The following XYLT1 variants were observed in gnomAD, a reference collection of about 807,000 sequenced individuals.
XYLT1 encodes the protein xylosyltransferase 1, also known as beta-D-xylosyltransferase 1.
XYLT1 carries 36 observed loss-of-function variants against 91.3 expected under a neutral mutation model. The ratio of observed to expected loss-of-function variants is 0.39; its 90% CI spans 0.30 to 0.52. XYLT1 has a LOEUF of 0.52. Among genes scored for constraint, XYLT1 ranks in the 20% least tolerant of loss-of-function variants. The pLI, the probability that XYLT1 is intolerant of heterozygous loss-of-function variation, is 0.68. For synonymous variants in XYLT1, 588 were observed against 532.0 expected, an observed-to-expected ratio of 1.11 and a Z score of -1.45; for missense variants, 1,242 against 1,284.5, an observed-to-expected ratio of 0.97 and a Z score of 0.51.
At chr16:17,222,117 G>A (rs529299115) in intron 3 of XYLT1, among the ~76,000 whole-genome samples, 1 of 152,330 alleles carries the variant, frequency 6.6e-6, no homozygotes, top group East Asian at 1.9e-4. Flanking sequence ...TCCTCTGAGG[G>A]AGACTGAATC....
At chr16:17,123,891 C>T (rs1697044731) in intron 10 of XYLT1, among the ~76,000 whole-genome samples, 1 of 152,028 alleles carries the variant, frequency 6.6e-6, no homozygotes, top group Admixed American at 6.5e-5. Context: ...TATAATGTCC[C>T]TCTTTGTCTT....
chr16:17,363,504 C>G (rs1222113787), intron 1 of XYLT1, among the ~76,000 whole-genome samples: 1 of 152,170 alleles, frequency 6.6e-6, no homozygotes, highest in Non-Finnish European at 1.5e-5. Context: ...AGCCTTTTCT[C>G]TATGCATCCC....
chr16:17,314,719 T>G (rs552167720), intron 2 of XYLT1, among the ~76,000 whole-genome samples: 1 of 152,144 alleles, frequency 6.6e-6, no homozygotes, highest in African/African-American at 2.4e-5. Flanking sequence ...GAGGAGAAAC[T>G]TGACAAACCA....
chr16:17,184,996 C>T (rs973391726), intron 5 of XYLT1, among the ~76,000 whole-genome samples: 6 of 152,216 alleles, frequency 3.9e-5, no homozygotes, highest in African/African-American at 1.2e-4. Flanking sequence ...CCACATCCTT[C>T]CCAGAAGGTC....
chr16:17,262,950 A>T (rs1352070113), intron 2 of XYLT1, among the ~76,000 whole-genome samples: 1 of 152,214 alleles, frequency 6.6e-6, no homozygotes, highest in Non-Finnish European at 1.5e-5. Flanking sequence ...TCCAACAGAC[A>T]GAAACATCTA....
chr16:17,433,862 T>A (rs1442045867), intron 1 of XYLT1, among the ~76,000 whole-genome samples: 2 of 152,096 alleles, frequency 1.3e-5, no homozygotes, highest in African/African-American at 4.8e-5. Flanking sequence ...TACAGTAAAA[T>A]CCTTAACTCT....
chr16:17,235,647 T>C (rs2033236328), intron 3 of XYLT1, among the ~76,000 whole-genome samples: 1 of 152,182 alleles, frequency 6.6e-6, no homozygotes, highest in Non-Finnish European at 1.5e-5. Flanking sequence ...GACAAATGCT[T>C]TCTTTGCAGT....
At chr16:17,338,143 T>A in intron 2 of XYLT1, 1 of 455,704 alleles carries the variant, frequency 2.2e-6, no homozygotes, top group Non-Finnish European at 4.4e-6. Flanking sequence ...AGTTCAGGCC[T>A]TTATCATAAC....
intron 3 of XYLT1, among the ~76,000 whole-genome samples, chr16:17,202,258 A>C (rs1371074352): frequency 6.6e-6 from 1 of 152,196 alleles, no homozygotes; most frequent in African/African-American, 2.4e-5. Context: ...GGGAGAACTG[A>C]GATGGAGACT....
At chr16:17,262,170 C>A (rs1041308516) in intron 2 of XYLT1, among the ~76,000 whole-genome samples, 1 of 152,122 alleles carries the variant, frequency 6.6e-6, no homozygotes, top group Admixed American at 6.5e-5. Flanking sequence ...TTTTATAGAA[C>A]GAGGAGCCAA....
intron 1 of XYLT1, among the ~76,000 whole-genome samples, chr16:17,385,512 T>A (rs190745895): frequency 6.6e-6 from 1 of 152,022 alleles, no homozygotes; most frequent in East Asian, 2.0e-4. Context: ...CCTGAAAATT[T>A]GCAAATGCAT....
intron 2 of XYLT1, among the ~76,000 whole-genome samples, chr16:17,344,854 C>T (rs932194935): frequency 2.0e-5 from 3 of 151,976 alleles, no homozygotes; most frequent in African/African-American, 7.3e-5. Context: ...GCATGCGCCA[C>T]CACGCTTGGC....
chr16:17,131,465 T>A (rs1477972533), intron 9 of XYLT1, among the ~76,000 whole-genome samples: 1 of 152,218 alleles, frequency 6.6e-6, no homozygotes, highest in Non-Finnish European at 1.5e-5. Flanking sequence ...TCCCACGGAA[T>A]GTACTGGGGT....
intron 2 of XYLT1, among the ~76,000 whole-genome samples, chr16:17,273,535 C>T (rs1290741770): frequency 1.3e-5 from 2 of 152,138 alleles, no homozygotes; most frequent in African/African-American, 4.8e-5. Context: ...CCAAGCAATT[C>T]GTCTGCACAT....
intron 1 of XYLT1, among the ~76,000 whole-genome samples, chr16:17,395,271 C>G (rs2035869962): frequency 6.6e-6 from 1 of 152,152 alleles, no homozygotes; most frequent in Non-Finnish European, 1.5e-5. Context: ...CCTCCTTTGG[C>G]ACATGGAGAT....
chr16:17,376,698 G>A (rs1346214050), intron 1 of XYLT1, among the ~76,000 whole-genome samples: 1 of 151,990 alleles, frequency 6.6e-6, no homozygotes, highest in Non-Finnish European at 1.5e-5. Flanking sequence ...ATCATGGCTT[G>A]CACCTGTAAT....
chr16:17,327,457 G>C (rs908348087), intron 2 of XYLT1, among the ~76,000 whole-genome samples: 4 of 149,826 alleles, frequency 2.7e-5, no homozygotes, highest in East Asian at 4.0e-4. Flanking sequence ...CCGCCCCCCG[G>C]GTTCACGCCA....
chr16:17,295,888 C>CTTT (rs2034302092), intron 2 of XYLT1, among the ~76,000 whole-genome samples: 1 of 152,190 alleles, frequency 6.6e-6, no homozygotes, highest in African/African-American at 2.4e-5. Flanking sequence ...AGGCCTCTGG[C>CTTT]TTTTGCTCTG....
At chr16:17,404,489 T>C (rs1464491592) in intron 1 of XYLT1, among the ~76,000 whole-genome samples, 1 of 152,164 alleles carries the variant, frequency 6.6e-6, no homozygotes, top group Non-Finnish European at 1.5e-5. Flanking sequence ...GTGAGAACCA[T>C]GATCATCCCC....
Sources: allele counts gnomAD v4.1 joint callset (sites outside exome capture counted in the v4.1 genomes callset), GRCh38; gene constraint gnomAD v4.1.1; transcripts MANE v1.5; gene names NCBI Gene and HGNC (gene_info 2026-07-23, HGNC 2026-07-21).